ZMYND11: variants seen among roughly 807,000 people sequenced by gnomAD.
ZMYND11 encodes the protein zinc finger MYND domain-containing protein 11.
Under a neutral mutation model 84.9 loss-of-function variants are expected in ZMYND11, and 9 were observed. That is an observed-to-expected ratio of 0.11 (90% confidence interval 0.06 to 0.18). The LOEUF (loss-of-function observed/expected upper bound fraction) is 0.18, where lower values mean the gene tolerates loss of function less well. Ranked by LOEUF, ZMYND11 falls within the 10% of genes least tolerant of loss-of-function variation. The probability of loss-of-function intolerance (pLI) is 1.00; values close to 1 mark genes in which losing one functional copy is unlikely to be tolerated. For synonymous variants in ZMYND11, 250 were observed against 244.1 expected, an observed-to-expected ratio of 1.02 and a Z score of -0.23; for missense variants, 409 against 761.0, an observed-to-expected ratio of 0.54 and a Z score of 5.44.
chr10:228,293 A>G (rs1238980775), intron 4 of ZMYND11, among the ~76,000 whole-genome samples: 1 of 152,168 alleles, frequency 6.6e-6, no homozygotes, highest in Non-Finnish European at 1.5e-5. Context: ...AATGTTTTGT[A>G]TGTTGGTGTA....
At chr10:183,014 A>T (rs987171464) in intron 2 of ZMYND11, among the ~76,000 whole-genome samples, 3 of 152,216 alleles carry the variant, frequency 2.0e-5, no homozygotes, top group Non-Finnish European at 4.4e-5. Context: ...CATGTTAGTC[A>T]TTAAGTTTCA....
At chr10:151,089 A>G (rs1840225769) in intron 1 of ZMYND11, among the ~76,000 whole-genome samples, 1 of 152,194 alleles carries the variant, frequency 6.6e-6, no homozygotes, top group Non-Finnish European at 1.5e-5. Flanking sequence ...TCAAAGACCA[A>G]AGGTACATAA....
rs114051362 is a variant in ZMYND11 at position 210,179 on chromosome 10, C to G, written c.276+131C>G. ...TTTAACATTTGTATCAACATTAAGG[C>G]TCTACATTGGTAGTATGGATACTTT... On this transcript the variant is annotated intron_variant, in intron 3 of 14. Transcript: ENST00000381604. 4,725 of 986,338 alleles carry G rather than the reference C, an allele frequency of 4.8e-3. 142 individuals carry two copies. The African/African-American group carries it at 0.068, about 14-fold the overall frequency. The allele number at this position is 986,338 out of a possible 1,614,324, so 61.1% of individuals were successfully genotyped here.
At chr10:182,276 A>T (rs527358023) in intron 2 of ZMYND11, among the ~76,000 whole-genome samples, 2 of 152,240 alleles carry the variant, frequency 1.3e-5, no homozygotes, top group Non-Finnish European at 2.9e-5. Flanking sequence ...ATGTATACAC[A>T]TGTTAAACTG....
chr10:185,740 G>A (rs1349931341), intron 2 of ZMYND11, among the ~76,000 whole-genome samples: 2 of 150,560 alleles, frequency 1.3e-5, no homozygotes, highest in East Asian at 2.0e-4. Flanking sequence ...ACTTGAACCC[G>A]GGAGGCGGAG....
Position 237,588 on chromosome 10 carries a change from A to G in ZMYND11, c.520A>G (p.Ile174Val). 1 of 1,608,312 alleles carries G rather than the reference A, an allele frequency of 6.2e-7. No homozygotes were observed. Among genetic ancestry groups the G allele is most frequent in the Non-Finnish European group, 8.5e-7 (1 of 1,175,848 alleles). The change falls in exon 6 of 15, where the codon ATA becomes GTA. Residue 174 changes from isoleucine to valine, a missense_variant. Ile to Val is a conservative substitution (Grantham distance 29, BLOSUM62 3). Transcript: ENST00000381604. Reference protein sequence around the residue: ...FIVSRMKERAIDLNKKGKDNK... With the variant: ...FIVSRMKERAVDLNKKGKDNK... The stretch of plus-strand genomic sequence containing the variant: ...TGATGTACTAACACCCTCTTAGGCT[A>G]TAGATCTTAATAAAAAGGGGAAGGA...
At chr10:202,932 G>A (rs1943493228) in intron 2 of ZMYND11, among the ~76,000 whole-genome samples, 4 of 151,310 alleles carry the variant, frequency 2.6e-5, no homozygotes, top group Admixed American at 1.3e-4. Flanking sequence ...AAAGTCTGTG[G>A]ATAAAAATAT....
chr10:137,827 A>G (rs1554752655), intron 1 of ZMYND11, among the ~76,000 whole-genome samples: 2 of 152,152 alleles, frequency 1.3e-5, no homozygotes, highest in African/African-American at 2.4e-5. Flanking sequence ...AGATCAGAGG[A>G]TATGGGATGT....
intron 4 of ZMYND11, among the ~76,000 whole-genome samples, chr10:230,941 C>A (rs1189337786): frequency 6.6e-6 from 1 of 152,214 alleles, no homozygotes; most frequent in Non-Finnish European, 1.5e-5. Context: ...AAACTTACTC[C>A]CTCTAGGGGT....
At chr10:201,361 T>G (rs1943101002) in intron 2 of ZMYND11, among the ~76,000 whole-genome samples, 1 of 152,214 alleles carries the variant, frequency 6.6e-6, no homozygotes, top group Non-Finnish European at 1.5e-5. Context: ...CATCACTGCA[T>G]TCTGTGGTGG....
At chr10:193,121 C>T (rs1940861045) in intron 2 of ZMYND11, among the ~76,000 whole-genome samples, 1 of 152,112 alleles carries the variant, frequency 6.6e-6, no homozygotes, top group South Asian at 2.1e-4. Flanking sequence ...CTGAAGGAGG[C>T]CACAGAATAT....
chr10:179,305 T>A (rs1588688910), intron 1 of ZMYND11, among the ~76,000 whole-genome samples: 1 of 152,124 alleles, frequency 6.6e-6, no homozygotes, highest in African/African-American at 2.4e-5. Context: ...GTGGGAGGTG[T>A]GGTGGCAGTT....
In ZMYND11 at chr10:169,431, T is replaced by G. The variant is rs143181352; in HGVS notation, c.-19-10563T>G. ...CCTACTAAAAAGCAAAAAACAACAG[T>G]GTGAAGAAACTGAACAAGCATCAGA... On this transcript the variant is annotated intron_variant, in intron 1 of 14. Coordinates refer to ENST00000381604, the MANE Select transcript of ZMYND11 (RefSeq NM_001370100.5). 3.5e-3 allele frequency among the ~76,000 whole-genome samples: 531 copies of G among 151,990 alleles called. 3 individuals carry two copies. Among genetic ancestry groups the G allele is most frequent in the African/African-American group, 0.012 (509 of 41,462 alleles).
chr10:251,121 G>A (rs567096634), intron 14 of ZMYND11, among the ~76,000 whole-genome samples: 36 of 152,288 alleles, frequency 2.4e-4, no homozygotes, highest in Non-Finnish European at 3.8e-4. Flanking sequence ...GCCAGATGCC[G>A]AATAATGGAT....
At chr10:189,974 GAGGGACTGT>G (rs1175876873) in intron 2 of ZMYND11, among the ~76,000 whole-genome samples, 1 of 152,152 alleles carries the variant, frequency 6.6e-6, no homozygotes, top group Non-Finnish European at 1.5e-5. Flanking sequence ...GGATCAAGCA[GAGGGACTGT>G]AGGGCTTAAG....
intron 4 of ZMYND11, among the ~76,000 whole-genome samples, chr10:235,770 G>C (rs10736951): frequency 0.66 from 100,832 of 152,170 alleles, 33,574 homozygotes; most frequent in East Asian, 0.84. Flanking sequence ...GAGAAGTGGG[G>C]TCAGGAAGGT....
At chr10:247,048 C>A in intron 11 of ZMYND11, 75 bp downstream of exon 11, 1 of 1,372,322 alleles carries the variant, frequency 7.3e-7, no homozygotes, top group South Asian at 1.3e-5. Flanking sequence ...ACACTCCTCA[C>A]TGTAATGAAC....
chr10:215,815 C>T (rs1469409320), intron 3 of ZMYND11, among the ~76,000 whole-genome samples: 3 of 152,108 alleles, frequency 2.0e-5, no homozygotes, highest in South Asian at 4.1e-4. Flanking sequence ...GCCTCAGTGA[C>T]CCAAAGTGCT....
intron 2 of ZMYND11, among the ~76,000 whole-genome samples, chr10:184,194 T>C (rs1274805609): frequency 6.6e-6 from 1 of 152,174 alleles, no homozygotes; most frequent in Non-Finnish European, 1.5e-5. Flanking sequence ...AATTTTAGAA[T>C]CTCGTGTAGT....
Sources: gnomAD v4.1 joint callset for allele counts (sites outside exome capture counted in the v4.1 genomes callset) on GRCh38, gnomAD v4.1.1 for gene constraint, MANE v1.5 for transcripts, NCBI Gene and HGNC (gene_info 2026-07-23, HGNC 2026-07-21) for gene names.